Variants in DDR2 observed in about 807,000 individuals in gnomAD.
DDR2 encodes discoidin domain-containing receptor 2.
DDR2 carries 27 observed loss-of-function variants against 94.9 expected under a neutral mutation model. The ratio of observed to expected loss-of-function variants is 0.28; its 90% CI spans 0.21 to 0.39. The LOEUF is 0.39. Ranked by LOEUF, DDR2 falls within the 10% of genes least tolerant of loss-of-function variation. The pLI is 1.00. For synonymous variants in DDR2, 382 were observed against 377.2 expected, an observed-to-expected ratio of 1.01 and a Z score of -0.15; for missense variants, 783 against 1,076.0, an observed-to-expected ratio of 0.73 and a Z score of 3.81.
chr1:162,653,540 G>A (rs891403905), intron 1 of DDR2, among the ~76,000 whole-genome samples: 2 of 151,650 alleles, frequency 1.3e-5, no homozygotes, highest in African/African-American at 4.8e-5. Context: ...CATGGATCGT[G>A]CCACTGCACT....
chr1:162,738,213 G>T (rs549555964), intron 3 of DDR2, among the ~76,000 whole-genome samples: 2 of 99,982 alleles, frequency 2.0e-5, no homozygotes, highest in African/African-American at 4.0e-5. Context: ...AAACCCCATT[G>T]TCTCAGCCCA....
intron 2 of DDR2, among the ~76,000 whole-genome samples, chr1:162,671,619 C>T (rs1658846376): frequency 6.6e-6 from 1 of 152,156 alleles, no homozygotes; most frequent in Non-Finnish European, 1.5e-5. Flanking sequence ...TGTCAGGCTG[C>T]CCCTGGCTTT....
At chr1:162,745,360 G>A (rs1453585181) in intron 3 of DDR2, among the ~76,000 whole-genome samples, 1 of 151,842 alleles carries the variant, frequency 6.6e-6, no homozygotes, top group Non-Finnish European at 1.5e-5. Flanking sequence ...GCCTGTTTTT[G>A]CTTTTGTTGC....
At chr1:162,778,235 A>C (rs1780007) in intron 16 of DDR2, among the ~76,000 whole-genome samples, 94,941 of 152,024 alleles carry the variant, frequency 0.62, 33,642 homozygotes, top group Non-Finnish European at 0.8. Context: ...TCTATCTCTA[A>C]CATAAAAACC....
chr1:162,693,887 T>C (rs1256999204), intron 2 of DDR2, among the ~76,000 whole-genome samples: 2 of 152,114 alleles, frequency 1.3e-5, no homozygotes, highest in Non-Finnish European at 2.9e-5. Flanking sequence ...CTCTCTCTCT[T>C]CTTCACCTTC....
chr1:162,775,929 G>GT, intron 15 of DDR2, 86 bp downstream of exon 15: 1 of 1,559,288 alleles, frequency 6.4e-7, no homozygotes, highest in Non-Finnish European at 8.8e-7. Flanking sequence ...GCCTTAAAGT[G>GT]TATCAATGTT....
chr1:162,748,968 A>T (rs1663033643), intron 3 of DDR2, among the ~76,000 whole-genome samples: 1 of 152,238 alleles, frequency 6.6e-6, no homozygotes, highest in South Asian at 2.1e-4. Flanking sequence ...GAGAACAAAG[A>T]CACAACATAC....
intron 3 of DDR2, among the ~76,000 whole-genome samples, chr1:162,749,545 A>G (rs1314794619): frequency 6.6e-6 from 1 of 152,238 alleles, no homozygotes; most frequent in African/African-American, 2.4e-5. Flanking sequence ...GTCCAGGACC[A>G]GATGGATGCA....
chr1:162,670,862 A>C (rs772024043), intron 2 of DDR2, among the ~76,000 whole-genome samples: 3 of 152,184 alleles, frequency 2.0e-5, no homozygotes, highest in Non-Finnish European at 4.4e-5. Context: ...GAGCCAGAAC[A>C]CTAATTTCAG....
At chr1:162,682,721 G>T (rs953256011) in intron 2 of DDR2, among the ~76,000 whole-genome samples, 6 of 152,156 alleles carry the variant, frequency 3.9e-5, no homozygotes, top group African/African-American at 1.4e-4. Context: ...TAAGGATTTT[G>T]AAGATATCAT....
intron 2 of DDR2, among the ~76,000 whole-genome samples, chr1:162,666,180 G>A (rs1405886523): frequency 1.3e-5 from 2 of 152,162 alleles, no homozygotes; most frequent in Admixed American, 6.5e-5. Context: ...GAGGAGTCAG[G>A]TTAGATGAAC....
chr1:162,780,393 C>G lies in DDR2; in HGVS notation c.*147C>G, dbSNP rs1376784197. ...CTTTGCCCTCTTTTCCTGGTCACCC[C>G]CACTCCCTACCCCTGACTCATATAC... On this transcript the variant is annotated 3_prime_UTR_variant, in exon 18 of 18. Coordinates refer to ENST00000367921, the MANE Select transcript of DDR2 (RefSeq NM_006182.4). 8.5e-7 allele frequency: 1 copy of G among 1,177,466 alleles called. No individual in the cohort carries two copies. The highest frequency in any genetic ancestry group is 1.2e-6 in the Non-Finnish European group (1 of 818,176). The allele number at this position is 1,177,466 out of a possible 1,614,324, so 72.9% of individuals were successfully genotyped here.
intron 2 of DDR2, among the ~76,000 whole-genome samples, chr1:162,701,760 G>T (rs1402622786): frequency 6.6e-6 from 1 of 152,070 alleles, no homozygotes; most frequent in Admixed American, 6.6e-5. Context: ...TAATTTTTAG[G>T]GTGTTCCCTC....
At chr1:162,669,588 T>C (rs548412319) in intron 2 of DDR2, among the ~76,000 whole-genome samples, 3 of 152,354 alleles carry the variant, frequency 2.0e-5, no homozygotes, top group African/African-American at 7.2e-5. Context: ...ATTTTAATTA[T>C]TGTATCACCA....
Position 162,786,815 on chromosome 1 carries a change from T to TAC in DDR2, c.*6569_*6570insAC, listed in dbSNP as rs1205863445. On this transcript the variant is annotated 3_prime_UTR_variant, in exon 18 of 18. Coordinates refer to ENST00000367921, the MANE Select transcript of DDR2 (RefSeq NM_006182.4). ...TGACATATCCAAACATACGAGACACTGGGATTTTACGTCCTCACATTAATT... is the reference window on the plus strand; with the variant it reads ...TGACATATCCAAACATACGAGACACTACGGGATTTTACGTCCTCACATTAATT... 27 of 152,250 alleles carry TAC rather than the reference T, an allele frequency of 1.8e-4. No homozygotes were observed. The highest frequency in any genetic ancestry group is 6.3e-4 in the African/African-American group (26 of 41,480). The allele number at this position is 152,250 out of a possible 1,614,324, so 9.4% of individuals were successfully genotyped here. A position where few individuals can be genotyped will look rare whatever the true frequency, so the allele number is the denominator to read the frequency against.
At chr1:162,721,146 A>T (rs1242864812) in intron 3 of DDR2, among the ~76,000 whole-genome samples, 1 of 152,128 alleles carries the variant, frequency 6.6e-6, no homozygotes, top group African/African-American at 2.4e-5. Flanking sequence ...CTGTGAGTGC[A>T]TGGAATGGTG....
At chr1:162,770,764 T>A (rs1351911260) in intron 12 of DDR2, 1 of 570,396 alleles carries the variant, frequency 1.8e-6, no homozygotes, top group Non-Finnish European at 3.3e-6. Context: ...TAATAAAACA[T>A]GTGAATTAGG....
chr1:162,770,701 A>T, intron 12 of DDR2, 189 bp downstream of exon 12: 1 of 725,994 alleles, frequency 1.4e-6, no homozygotes, highest in East Asian at 2.7e-5. Flanking sequence ...CTCCTTTGCT[A>T]CTGAATATAA....
intron 1 of DDR2, among the ~76,000 whole-genome samples, chr1:162,644,925 A>G (rs1483540939): frequency 6.6e-6 from 1 of 152,242 alleles, no homozygotes; most frequent in Non-Finnish European, 1.5e-5. Context: ...AGATAAATAC[A>G]TAGCTTTAAG....
Sources: gnomAD v4.1 joint callset for allele counts (sites outside exome capture counted in the v4.1 genomes callset) on GRCh38, gnomAD v4.1.1 for gene constraint, MANE v1.5 for transcripts, NCBI Gene and HGNC (gene_info 2026-07-23, HGNC 2026-07-21) for gene names.